IL18R1: variants seen among roughly 807,000 people sequenced by gnomAD.
The protein encoded by IL18R1 is interleukin-18 receptor 1.
A neutral mutation model predicts 48.5 loss-of-function variants in IL18R1; 40 were observed. The observed-to-expected ratio is 0.82, with a 90% CI of 0.64 to 1.07. The LOEUF is 1.07. IL18R1 is among the 50% of genes least tolerant of loss of function. The pLI is 0.00. For synonymous variants in IL18R1, 232 were observed against 225.9 expected, an observed-to-expected ratio of 1.03 and a Z score of -0.24; for missense variants, 596 against 633.7, an observed-to-expected ratio of 0.94 and a Z score of 0.64.
rs1680146231 is a variant in IL18R1 at position 102,384,985 on chromosome 2, GAA to G, written c.798_799del (p.Glu266AspfsTer19). The G allele has an allele frequency of 1.9e-6, 3 of 1,569,256 alleles. No homozygotes were observed. Among genetic ancestry groups the G allele is most frequent in the African/African-American group, 2.7e-5 (2 of 74,068 alleles). ...GGATCCTAATATACATGAAGAGAAA[GAA>G]ATGAGAATTATGTATGTATGTGTAA... ...GSDPNIHEEK[E>X]MRIMTPEGKW... On this transcript the variant is annotated frameshift_variant, in exon 7 of 11. Transcript: ENST00000233957. LOFTEE classifies it high-confidence loss of function.
At position 102,356,170 on chromosome 2, in the gene IL18R1, A is replaced by C; in HGVS notation, c.-259A>C. ...AGCCAGGAGCTGCCAGACGCCTGAC[A>C]TTCTTCTTTCTGTTCCTACTTTTTT... On this transcript the variant is annotated 5_prime_UTR_variant, in exon 1 of 11. Coordinates refer to ENST00000233957, the MANE Select transcript of IL18R1 (RefSeq NM_003855.5). The C allele has an allele frequency of 1.0e-5, 2 of 198,454 alleles. No individual in the cohort carries two copies. Among genetic ancestry groups the C allele is most frequent in the Non-Finnish European group, 1.8e-5 (2 of 112,610 alleles). The allele number at this position is 198,454 out of a possible 1,614,324, so 12.3% of individuals were successfully genotyped here.
chr2:102,384,774 C>T, intron 6 of IL18R1, 104 bp from the exon 7 acceptor site: 1 of 1,230,386 alleles, frequency 8.1e-7, no homozygotes, highest in Non-Finnish European at 1.1e-6. Flanking sequence ...TGGGATGGAG[C>T]ACCACGTTTT....
chr2:102,365,070 C>G (rs1472933611), intron 2 of IL18R1, among the ~76,000 whole-genome samples: 1 of 152,136 alleles, frequency 6.6e-6, no homozygotes, highest in Admixed American at 6.5e-5. Context: ...TCTCCCAAAT[C>G]TCATGCTCTC....
At chr2:102,372,557 GA>G (rs1679329680) in intron 4 of IL18R1, among the ~76,000 whole-genome samples, 1 of 151,900 alleles carries the variant, frequency 6.6e-6, no homozygotes, top group African/African-American at 2.4e-5. Context: ...CTTTAAAACT[GA>G]AAAATGAAGA....
At chr2:102,358,773 T>C (rs566585486) in intron 1 of IL18R1, among the ~76,000 whole-genome samples, 14 of 152,280 alleles carry the variant, frequency 9.2e-5, no homozygotes, top group Non-Finnish European at 1.5e-4. Flanking sequence ...CATTAGTTGC[T>C]AAAACATACT....
rs1315335210 is a variant in IL18R1, at chr2:102,396,636, G to A, written c.1376G>A (p.Gly459Glu). 1 of 1,612,982 alleles carries A rather than the reference G, an allele frequency of 6.2e-7. No individual in the cohort carries two copies. Among genetic ancestry groups the A allele is most frequent in the Non-Finnish European group, 8.5e-7 (1 of 1,178,988 alleles). Residue 459 changes from glycine to glutamate, a missense_variant, in exon 11 of 11, where the codon GGA becomes GAA. Around this residue, in one of 3 missense-constraint regions of IL18R1, gnomAD observed 179 missense variants for 206.1 expected, o/e 0.87. Coordinates refer to ENST00000233957, the MANE Select transcript of IL18R1 (RefSeq NM_003855.5). The part of the protein sequence containing the change: ...SNEVRYELES[G>E]LHEALVERKI... ...GAGGTCAGGTATGAACTTGAAAGTG[G>A]ACTCCATGAAGCATTGGTGGAAAGA...
intron 5 of IL18R1, 135 bp downstream of exon 5, chr2:102,376,198 G>A (rs1304897468): frequency 1.7e-6 from 1 of 576,814 alleles, no homozygotes; most frequent in Non-Finnish European, 2.8e-6. Context: ...CAAATATGAT[G>A]GTCAAAATCT....
Position 102,394,635 on chromosome 2 carries a change from G to A in IL18R1, c.1270+8G>A, listed in dbSNP as rs1573234914. On this transcript the variant is annotated splice_region_variant and intron_variant, in intron 10 of 10. Transcript: ENST00000233957. ...ATGTAGTGCCTGGAGGAGGTAAGAGGGAATGCCAGATAGAAAAATATTCAA... is the reference window on the plus strand; with the variant it reads ...ATGTAGTGCCTGGAGGAGGTAAGAGAGAATGCCAGATAGAAAAATATTCAA... The A allele has an allele frequency of 6.3e-7, 1 of 1,580,980 alleles. No individual in the cohort carries two copies. The highest frequency in any genetic ancestry group is 1.1e-5 in the South Asian group (1 of 87,308).
chr2:102,394,869 G>A (rs56151044), intron 10 of IL18R1, among the ~76,000 whole-genome samples: 11,398 of 152,146 alleles, frequency 0.075, 534 homozygotes, highest in Middle Eastern at 0.24. Flanking sequence ...TGGGGAAAGG[G>A]AGAGGGCATT....
intron 8 of IL18R1, among the ~76,000 whole-genome samples, chr2:102,389,778 T>C (rs1171297886): frequency 6.6e-6 from 1 of 152,230 alleles, no homozygotes; most frequent in East Asian, 1.9e-4. Context: ...AGAAATCTGA[T>C]TTCCACGGGT....
At chr2:102,377,463 C>T (rs1422217489) in intron 5 of IL18R1, among the ~76,000 whole-genome samples, 7 of 152,094 alleles carry the variant, frequency 4.6e-5, no homozygotes, top group African/African-American at 1.4e-4. Flanking sequence ...TACAGGCACC[C>T]GCCACCACTC....
Position 102,398,285 on chromosome 2 carries a change from A to G in IL18R1, c.*1399A>G, listed in dbSNP as rs1680922447. 6.6e-6 allele frequency: 1 copy of G among 152,396 alleles called. No individual in the cohort carries two copies. The highest frequency in any genetic ancestry group is 2.1e-4 in the South Asian group (1 of 4,834). 9.4% of individuals were successfully genotyped at this position (152,396 alleles called of 1,614,324 possible). A position where few individuals can be genotyped will look rare whatever the true frequency, so the allele number is the denominator to read the frequency against. ...GAGCCTTCTTGATGATCTCAAAAAT[A>G]ATAGCTATTCAAGAAAATCACCAAG... On this transcript the variant is annotated 3_prime_UTR_variant, in exon 11 of 11. Transcript: ENST00000233957.
intron 8 of IL18R1, among the ~76,000 whole-genome samples, chr2:102,389,336 T>C (rs1296278868): frequency 2.0e-5 from 3 of 152,214 alleles, no homozygotes; most frequent in Non-Finnish European, 4.4e-5. Flanking sequence ...CACATTGTGA[T>C]TTGTTGTTAA....
At chr2:102,360,076 CTG>C (rs1559615495) in intron 1 of IL18R1, among the ~76,000 whole-genome samples, 1 of 152,166 alleles carries the variant, frequency 6.6e-6, no homozygotes, top group Admixed American at 6.5e-5. Context: ...TGCAAAAAAA[CTG>C]AGCCATCCTG....
rs565595952 is a variant in IL18R1 at position 102,358,518 on chromosome 2, C to T, written c.-29+2118C>T. Among the ~76,000 whole-genome samples the T allele has an allele frequency of 2.1e-3, 320 of 152,278 alleles. 4 individuals are homozygous for T. Among genetic ancestry groups the T allele is most frequent in the African/African-American group, 7.5e-3 (310 of 41,546 alleles). ...GTACACACACGTACGTACATATGTA[C>T]ATGCACAAATATTTAATATGTCTTA... On this transcript the variant is annotated intron_variant, in intron 1 of 10. Transcript: ENST00000233957.
intron 10 of IL18R1, among the ~76,000 whole-genome samples, chr2:102,396,158 T>A (rs1201189017): frequency 6.6e-6 from 1 of 152,180 alleles, no homozygotes; most frequent in African/African-American, 2.4e-5. Flanking sequence ...TAGATTCTGA[T>A]TCTGCCATTT....
intron 9 of IL18R1, among the ~76,000 whole-genome samples, chr2:102,390,914 G>A (rs1329932819): frequency 1.9e-5 from 2 of 103,198 alleles, no homozygotes; most frequent in African/African-American, 4.1e-5. Context: ...CAGCCTGGGC[G>A]ACAAAGCAAG....
At chr2:102,367,728 C>T in intron 2 of IL18R1, 97 bp from the exon 3 acceptor site, 5 of 1,012,082 alleles carry the variant, frequency 4.9e-6, no homozygotes, top group Non-Finnish European at 7.1e-6. Context: ...TTCTTGCTAA[C>T]CTTGCTTCTT....
At chr2:102,357,063 G>T (rs143979225) in intron 1 of IL18R1, among the ~76,000 whole-genome samples, 2 of 152,260 alleles carry the variant, frequency 1.3e-5, no homozygotes, top group Non-Finnish European at 2.9e-5. Context: ...TGCTGCTATT[G>T]GGAGCACACC....
Sources: allele counts gnomAD v4.1 joint callset (sites outside exome capture counted in the v4.1 genomes callset), GRCh38; gene constraint gnomAD v4.1.1; regional missense constraint gnomAD v4.1.1; transcripts MANE v1.5; gene names NCBI Gene and HGNC (gene_info 2026-07-23, HGNC 2026-07-21).